Variants in MYT1L observed in about 807,000 individuals in gnomAD.
The protein encoded by MYT1L is myelin transcription factor 1 like, also known as myelin transcription factor 1-like protein.
In MYT1L, 12 loss-of-function variants were observed where a neutral mutation model predicts 126.7. The ratio of observed to expected loss-of-function variants is 0.09; its 90% CI spans 0.06 to 0.15. MYT1L has a LOEUF of 0.15. Among genes scored for constraint, MYT1L ranks in the 10% least tolerant of loss-of-function variants. The pLI, the probability that MYT1L is intolerant of heterozygous loss-of-function variation, is 1.00. For missense variants in MYT1L, 979 were observed against 1,585.2 expected, an observed-to-expected ratio of 0.62 and a Z score of 6.49; for synonymous variants, 541 against 604.2, an observed-to-expected ratio of 0.90 and a Z score of 1.53.
In MYT1L at chr2:1,814,026, C is replaced by CAA. The variant is rs1304502003; in HGVS notation, c.3081-4860_3081-4859insTT. On this transcript the variant is annotated intron_variant, in intron 21 of 24. Transcript: ENST00000647738. ...TGGGCGACAGAGCGAGACTCCGTCC[C>CAA]CAAAAAAAAAAAAAAAAGAAAGAAA... 2.2e-3 allele frequency among the ~76,000 whole-genome samples: 197 copies of CAA among 88,250 alleles called. 3 individuals carry two copies. Among genetic ancestry groups the CAA allele is most frequent in the South Asian group, 5.7e-3 (12 of 2,104 alleles). 57.9% of individuals were successfully genotyped at this position (88,250 alleles called of 152,430 possible). A position where few individuals can be genotyped will look rare whatever the true frequency, so the allele number is the denominator to read the frequency against.
intron 4 of MYT1L, among the ~76,000 whole-genome samples, chr2:2,000,898 A>G (rs2062303867): frequency 6.6e-6 from 1 of 151,990 alleles, no homozygotes; most frequent in Non-Finnish European, 1.5e-5. Context: ...GAACGGTTCC[A>G]CTCCATTGCC....
At chr2:1,819,713 C>T (rs13390425) in intron 21 of MYT1L, among the ~76,000 whole-genome samples, 269 of 152,286 alleles carry the variant, frequency 1.8e-3, no homozygotes, top group African/African-American at 6.4e-3. Context: ...AGGTGGAGTC[C>T]GCATGGGTAT....
At chr2:2,181,255 T>G (rs1400367095) in intron 2 of MYT1L, among the ~76,000 whole-genome samples, 1 of 151,964 alleles carries the variant, frequency 6.6e-6, no homozygotes, top group East Asian at 1.9e-4. Flanking sequence ...TGTGTGCACA[T>G]GTATCTGTAC....
At chr2:1,995,958 A>G (rs893282183) in intron 5 of MYT1L, among the ~76,000 whole-genome samples, 1 of 152,206 alleles carries the variant, frequency 6.6e-6, no homozygotes, top group Non-Finnish European at 1.5e-5. Context: ...CAGCCATCAG[A>G]AAGGAAGAAG....
chr2:2,254,355 G>A (rs1285323763), intron 2 of MYT1L, among the ~76,000 whole-genome samples: 2 of 152,198 alleles, frequency 1.3e-5, no homozygotes, highest in Non-Finnish European at 2.9e-5. Flanking sequence ...CCCTGGGAGG[G>A]GAACAACTCA....
chr2:2,300,727 C>T (rs905318923), intron 1 of MYT1L, among the ~76,000 whole-genome samples: 1 of 152,202 alleles, frequency 6.6e-6, no homozygotes, highest in East Asian at 1.9e-4. Flanking sequence ...CTCAAATCCA[C>T]GCGATGATTC....
intron 11 of MYT1L, among the ~76,000 whole-genome samples, chr2:1,915,875 T>A (rs1445163314): frequency 2.0e-5 from 3 of 152,216 alleles, no homozygotes; most frequent in Non-Finnish European, 4.4e-5. Flanking sequence ...CTGACTCTCA[T>A]CTTCCTCATC....
chr2:1,968,997 G>C (rs1023643554), intron 8 of MYT1L, among the ~76,000 whole-genome samples: 2 of 152,218 alleles, frequency 1.3e-5, no homozygotes, highest in African/African-American at 2.4e-5. Flanking sequence ...CTGCCCCATA[G>C]TCCTCACCCC....
chr2:2,121,540 G>A (rs2081014513), intron 3 of MYT1L, among the ~76,000 whole-genome samples: 1 of 151,920 alleles, frequency 6.6e-6, no homozygotes, highest in African/African-American at 2.4e-5. Context: ...AGGCTGGAGT[G>A]CAGTGGCGTG....
chr2:2,218,224 A>T (rs1382014307), intron 2 of MYT1L, among the ~76,000 whole-genome samples: 1 of 152,224 alleles, frequency 6.6e-6, no homozygotes, highest in Non-Finnish European at 1.5e-5. Context: ...TATTTACCCC[A>T]AAGAAATGAG....
chr2:1,989,521 T>C (rs1558644988), intron 5 of MYT1L, among the ~76,000 whole-genome samples: 1 of 152,158 alleles, frequency 6.6e-6, no homozygotes, highest in Non-Finnish European at 1.5e-5. Flanking sequence ...TAAATACAAA[T>C]AACAAGGTTT....
At chr2:1,992,423 T>C (rs1052710145) in intron 5 of MYT1L, among the ~76,000 whole-genome samples, 1 of 152,148 alleles carries the variant, frequency 6.6e-6, no homozygotes, top group Non-Finnish European at 1.5e-5. Flanking sequence ...AGAGGGAGCA[T>C]TGCTGGAGTC....
At chr2:2,115,762 G>A (rs766926936) in intron 3 of MYT1L, among the ~76,000 whole-genome samples, 7 of 152,210 alleles carry the variant, frequency 4.6e-5, no homozygotes, top group Non-Finnish European at 8.8e-5. Flanking sequence ...TGGGGACAGC[G>A]GGAGAGCTGT....
intron 2 of MYT1L, among the ~76,000 whole-genome samples, chr2:2,206,479 A>G (rs1405165812): frequency 6.6e-6 from 1 of 152,218 alleles, no homozygotes; most frequent in Non-Finnish European, 1.5e-5. Flanking sequence ...GAATTTGGTT[A>G]TGTCTGTCTC....
intron 15 of MYT1L, among the ~76,000 whole-genome samples, chr2:1,891,019 G>A (rs531839428): frequency 2.4e-4 from 37 of 151,634 alleles, no homozygotes; most frequent in African/African-American, 6.8e-4. Flanking sequence ...TATTTTTTTT[G>A]TGGTTGCCAC....
intron 21 of MYT1L, among the ~76,000 whole-genome samples, chr2:1,822,476 GC>G (rs1369532747): frequency 6.6e-6 from 1 of 152,226 alleles, no homozygotes; most frequent in Non-Finnish European, 1.5e-5. Context: ...TCCACTGTCA[GC>G]CCCTCTTCCC....
chr2:2,253,873 T>C (rs1309243327), intron 2 of MYT1L, among the ~76,000 whole-genome samples: 1 of 152,096 alleles, frequency 6.6e-6, no homozygotes, highest in Non-Finnish European at 1.5e-5. Context: ...TCTCCTAAGG[T>C]CTGCCTTCAG....
intron 21 of MYT1L, chr2:1,810,086 G>C (rs1031649833): frequency 4.0e-5 from 6 of 151,612 alleles, no homozygotes; most frequent in Non-Finnish European, 8.8e-5. Context: ...GGGGCCATCT[G>C]GCACTTAACT....
At chr2:1,855,286 C>T (rs2043771360) in intron 18 of MYT1L, among the ~76,000 whole-genome samples, 1 of 152,212 alleles carries the variant, frequency 6.6e-6, no homozygotes, top group Non-Finnish European at 1.5e-5. Context: ...GGCGTGAAAT[C>T]GATTTACAAA....
Sources: allele counts gnomAD v4.1 joint callset (sites outside exome capture counted in the v4.1 genomes callset), GRCh38; gene constraint gnomAD v4.1.1; transcripts MANE v1.5; gene names NCBI Gene and HGNC (gene_info 2026-07-23, HGNC 2026-07-21).